The following LHFPL6 variants were observed in gnomAD, a reference collection of about 807,000 sequenced individuals.
LHFPL6 encodes LHFPL tetraspan subfamily member 6.
Under a neutral mutation model 20.6 loss-of-function variants are expected in LHFPL6, and 9 were observed. That is an observed-to-expected ratio of 0.44 (90% CI 0.26 to 0.76). LHFPL6 has a LOEUF of 0.76. Among genes scored for constraint, LHFPL6 ranks in the 30% least tolerant of loss-of-function variants. The probability of loss-of-function intolerance (pLI) is 0.20; values close to 1 mark genes in which losing one functional copy is unlikely to be tolerated. For synonymous variants in LHFPL6, 105 were observed against 98.7 expected (o/e 1.06, Z -0.38); for missense variants, 218 against 253.5 (o/e 0.86, Z 0.95).
In LHFPL6 at chr13:39,347,551, C is replaced by T. The variant is rs144780777; in HGVS notation, c.485-3497G>A. On this transcript the variant is annotated intron_variant, in intron 3 of 3. Coordinates refer to ENST00000379589, the MANE Select transcript of LHFPL6 (RefSeq NM_005780.3). ...GAGTGTGCTAAATTTAACGGGGTAA[C>T]AGATTCTGAAAGATCACCTCTCCAC... is the stretch of plus-strand genomic sequence containing the variant. Among the ~76,000 whole-genome samples, 329 of 152,248 alleles carry T rather than the reference C, an allele frequency of 2.2e-3. 1 individual carries two copies. The highest frequency in any genetic ancestry group is 7.5e-3 in the African/African-American group (310 of 41,518).
chr13:39,439,696 A>C (rs1268696636), intron 2 of LHFPL6, among the ~76,000 whole-genome samples: 7 of 152,126 alleles, frequency 4.6e-5, no homozygotes, highest in African/African-American at 1.7e-4. Flanking sequence ...TGCTGTTCTC[A>C]TGATAGTGAG....
intron 2 of LHFPL6, among the ~76,000 whole-genome samples, chr13:39,447,740 A>T (rs1007035312): frequency 4.6e-5 from 7 of 152,216 alleles, no homozygotes; most frequent in Non-Finnish European, 5.9e-5. Context: ...GGAAAAGGGA[A>T]GGATGCAAGA....
chr13:39,595,013 T>A (rs778099231), intron 2 of LHFPL6, among the ~76,000 whole-genome samples: 3 of 152,264 alleles, frequency 2.0e-5, no homozygotes, highest in South Asian at 4.1e-4. Context: ...ATATACCTAA[T>A]GTTAAATGAC....
intron 2 of LHFPL6, among the ~76,000 whole-genome samples, chr13:39,440,985 T>TC (rs1345858948): frequency 2.0e-5 from 3 of 151,346 alleles, no homozygotes; most frequent in Non-Finnish European, 2.9e-5. Flanking sequence ...TTGTGAGGCC[T>TC]CCCCCCCAGC....
chr13:39,600,793 G>A, intron 2 of LHFPL6, 39 bp downstream of exon 2: 1 of 1,446,942 alleles, frequency 6.9e-7, no homozygotes, highest in Non-Finnish European at 9.1e-7. Context: ...TACTGCTTTG[G>A]GATTCCAGTA....
rs1171866765 is a variant in LHFPL6 at position 39,351,472 on chromosome 13, TCAAA to T, written c.485-7422_485-7419del. Reference sequence around the variant, plus strand: ...GATAATGTATAAAAAAAGATCTTAATCAAATGCATTTTTCTCATTTGTTAAATAG... The same window carrying T: ...GATAATGTATAAAAAAAGATCTTAATTGCATTTTTCTCATTTGTTAAATAG... On this transcript the variant is annotated intron_variant, in intron 3 of 3. Transcript: ENST00000379589. 1.5e-3 allele frequency among the ~76,000 whole-genome samples: 234 copies of T among 151,540 alleles called. 1 individual carries two copies. Among genetic ancestry groups the T allele is most frequent in the African/African-American group, 5.4e-3 (220 of 40,826 alleles).
intron 2 of LHFPL6, among the ~76,000 whole-genome samples, chr13:39,415,696 C>T (rs1480219411): frequency 6.6e-6 from 1 of 152,058 alleles, no homozygotes; most frequent in Non-Finnish European, 1.5e-5. Flanking sequence ...TTGCAGTAAC[C>T]GAAGGTGTAC....
chr13:39,602,073 C>A (rs563540002), intron 1 of LHFPL6, among the ~76,000 whole-genome samples: 1 of 152,164 alleles, frequency 6.6e-6, no homozygotes, highest in Non-Finnish European at 1.5e-5. Flanking sequence ...TCCAACAGTT[C>A]TATTGCAATC....
At chr13:39,434,945 A>G (rs998312149) in intron 2 of LHFPL6, among the ~76,000 whole-genome samples, 6 of 150,882 alleles carry the variant, frequency 4.0e-5, no homozygotes, top group Admixed American at 2.0e-4. Flanking sequence ...AGTCCCAGCT[A>G]CTCGGGAGGC....
intron 2 of LHFPL6, among the ~76,000 whole-genome samples, chr13:39,447,226 C>T (rs1566113560): frequency 6.6e-6 from 1 of 152,204 alleles, no homozygotes; most frequent in Non-Finnish European, 1.5e-5. Context: ...TCAATATGCA[C>T]TGAATTTGAG....
chr13:39,413,208 C>T (rs116049188), intron 2 of LHFPL6, among the ~76,000 whole-genome samples: 7 of 151,962 alleles, frequency 4.6e-5, no homozygotes, highest in East Asian at 1.9e-4. Flanking sequence ...GAATATTTAA[C>T]GAAGGAAAAA....
intron 2 of LHFPL6, among the ~76,000 whole-genome samples, chr13:39,562,711 C>G (rs1407954958): frequency 6.8e-6 from 1 of 148,012 alleles, no homozygotes; most frequent in Non-Finnish European, 1.5e-5. Context: ...TATATATACA[C>G]ACACACACTA....
chr13:39,394,413 C>T (rs994445418), intron 2 of LHFPL6, among the ~76,000 whole-genome samples: 1 of 152,152 alleles, frequency 6.6e-6, no homozygotes, highest in African/African-American at 2.4e-5. Flanking sequence ...CAAACCTCAG[C>T]CCATAACAGA....
chr13:39,446,512 A>G (rs1872294361), intron 2 of LHFPL6, among the ~76,000 whole-genome samples: 1 of 152,128 alleles, frequency 6.6e-6, no homozygotes, highest in South Asian at 2.1e-4. Context: ...GACATTCAGC[A>G]TGGGACAGTA....
chr13:39,543,574 T>C (rs61432896), intron 2 of LHFPL6, among the ~76,000 whole-genome samples: 6,844 of 152,234 alleles, frequency 0.045, 345 homozygotes, highest in African/African-American at 0.12. Flanking sequence ...TGACCTGCCA[T>C]TCATTTTCCC....
intron 2 of LHFPL6, among the ~76,000 whole-genome samples, chr13:39,554,904 TC>T (rs1419021550): frequency 6.6e-6 from 1 of 152,224 alleles, no homozygotes; most frequent in African/African-American, 2.4e-5. Flanking sequence ...AACCTTTGCA[TC>T]CCTCATACAA....
intron 2 of LHFPL6, among the ~76,000 whole-genome samples, chr13:39,392,285 A>T (rs1398094149): frequency 1.3e-5 from 2 of 152,192 alleles, no homozygotes; most frequent in South Asian, 2.1e-4. Flanking sequence ...AAATGAAAAT[A>T]AAAAAAGACT....
At chr13:39,369,151 A>T (rs1362276240) in intron 3 of LHFPL6, among the ~76,000 whole-genome samples, 1 of 151,560 alleles carries the variant, frequency 6.6e-6, no homozygotes, top group Non-Finnish European at 1.5e-5. Flanking sequence ...AGACTAGCAT[A>T]TTCTCCCCAA....
chr13:39,451,191 G>A (rs1302103347), intron 2 of LHFPL6, among the ~76,000 whole-genome samples: 1 of 149,136 alleles, frequency 6.7e-6, no homozygotes, highest in African/African-American at 2.5e-5. Context: ...TATTTATTAA[G>A]GGGGAGATGT....
Sources: allele counts gnomAD v4.1 joint callset (sites outside exome capture counted in the v4.1 genomes callset), GRCh38; gene constraint gnomAD v4.1.1; transcripts MANE v1.5; gene names NCBI Gene and HGNC (gene_info 2026-07-23, HGNC 2026-07-21).